The following NFRKB variants were observed in gnomAD, a reference collection of about 807,000 sequenced individuals.
NFRKB encodes the protein nuclear factor related to kappa-B-binding protein.
NFRKB carries 62 observed loss-of-function variants against 135.7 expected under a neutral mutation model. That is an observed-to-expected ratio of 0.46 (90% CI 0.37 to 0.56). The LOEUF is 0.56. NFRKB is among the 20% of genes least tolerant of loss of function. The probability of loss-of-function intolerance (pLI) is 0.00; values close to 1 mark genes in which losing one functional copy is unlikely to be tolerated. For synonymous variants in NFRKB, 678 were observed against 635.6 expected (o/e 1.07, Z -1.00); for missense variants, 1,545 against 1,662.0 (o/e 0.93, Z 1.22).
Position 129,870,091 on chromosome 11 carries a change from G to T in NFRKB, c.2934C>A (p.Ala978=), listed in dbSNP as rs755976417. Residue 978 remains alanine (A), a synonymous_variant, in exon 24 of 27, where the codon GCC becomes GCA. Transcript: ENST00000682444. ...TGGTAACCTGGGACTTGGCCAATGTGGCCATCATGTCCGGAGTGATTCGCA... is the reference window on the plus strand; with the variant it reads ...TGGTAACCTGGGACTTGGCCAATGTTGCCATCATGTCCGGAGTGATTCGCA... ...TVLRITPDMM[A]TLAKSQVTTV... The T allele has an allele frequency of 1.2e-6, 2 of 1,614,150 alleles. No homozygotes were observed. The highest frequency in any genetic ancestry group is 1.7e-6 in the Non-Finnish European group (2 of 1,180,056).
chr11:129,875,717 C>T (rs996283874), intron 17 of NFRKB, among the ~76,000 whole-genome samples: 5 of 135,988 alleles, frequency 3.7e-5, no homozygotes, highest in African/African-American at 1.1e-4. Flanking sequence ...GGTGCAAGGG[C>T]GTGATCTCAG....
chr11:129,867,016 T>G (rs771861333), intron 24 of NFRKB, among the ~76,000 whole-genome samples: 22 of 152,206 alleles, frequency 1.4e-4, no homozygotes, highest in Non-Finnish European at 3.2e-4. Flanking sequence ...ATACATTTAC[T>G]TATGGTTTTG....
chr11:129,873,711 T>A (rs79132420), intron 22 of NFRKB, 34 bp downstream of exon 22: 1 of 1,601,088 alleles, frequency 6.2e-7, no homozygotes, highest in Non-Finnish European at 8.5e-7. Context: ...GGTCTGCATC[T>A]CTGCTTCCCA....
At chr11:129,878,612 T>TTAC (rs1352192525) in intron 13 of NFRKB, 69 bp from the exon 14 acceptor site, 7 of 1,259,038 alleles carry the variant, frequency 5.6e-6, no homozygotes, top group Non-Finnish European at 8.0e-6. Context: ...TGCTTTCTCT[T>TTAC]TACTAGCTGT....
At chr11:129,886,043 T>C (rs1949262135) in intron 5 of NFRKB, among the ~76,000 whole-genome samples, 1 of 152,242 alleles carries the variant, frequency 6.6e-6, no homozygotes, top group Admixed American at 6.5e-5. Context: ...TAACCCATGA[T>C]AGATCCAAAA....
In NFRKB at chr11:129,865,921, C is replaced by T. The variant is rs376316090; in HGVS notation, c.3594G>A (p.Lys1198=). 4 of 1,613,890 alleles carry T rather than the reference C, an allele frequency of 2.5e-6. No individual in the cohort carries two copies. The highest frequency in any genetic ancestry group is 3.4e-6 in the Non-Finnish European group (4 of 1,180,010). Residue 1198 remains lysine, a synonymous_variant, in exon 25 of 27, where the codon AAG becomes AAA. Transcript: ENST00000682444. ...LSVISQPMKG[K]SVVTAPIIKG... ...TGATGATGGGGGCTGTGACCACGCT[C>T]TTGCCCTTCATTGGCTGGCTGATCA...
rs965510554 is a variant in NFRKB, at chr11:129,885,616, A to G, written c.466-7T>C. The G allele has an allele frequency of 1.9e-6, 3 of 1,603,752 alleles. No individual in the cohort carries two copies. The highest frequency in any genetic ancestry group is 2.6e-6 in the Non-Finnish European group (3 of 1,172,736). On this transcript the variant is annotated splice_polypyrimidine_tract_variant and splice_region_variant and intron_variant, in intron 5 of 26. Coordinates refer to ENST00000682444, the MANE Select transcript of NFRKB (RefSeq NM_001143835.2). ...GGGCCATCTCCAGCAGATCCTAGGT[A>G]GAGATCAGGTGGGGGTACAAGTCAT...
chr11:129,867,816 G>A (rs1401793516), intron 24 of NFRKB, among the ~76,000 whole-genome samples: 1 of 152,180 alleles, frequency 6.6e-6, no homozygotes, highest in Non-Finnish European at 1.5e-5. Flanking sequence ...CTTACCTAGA[G>A]GCTGAAGAGT....
rs1350064686 is a variant in NFRKB, at chr11:129,881,486, T to C, written c.1341A>G (p.Pro447=). The change falls in exon 13 of 27, where the codon CCA becomes CCG. Residue 447 remains proline, a synonymous_variant. Coordinates refer to ENST00000682444, the MANE Select transcript of NFRKB (RefSeq NM_001143835.2). ...GGGTTTTCTCTTTGAATTCAACAAA[T>C]GGAGAGAAACTGGAAGGAACAGCTG... ...ESRAVPSSFS[P]FVEFKEKTQQ... is the part of the protein sequence containing the mutation. The C allele has an allele frequency of 1.2e-6, 2 of 1,613,992 alleles. No individual in the cohort carries two copies. The highest frequency in any genetic ancestry group is 1.3e-5 in the African/African-American group (1 of 75,004).
chr11:129,871,520 G>C (rs1425909522), intron 23 of NFRKB, among the ~76,000 whole-genome samples: 1 of 152,060 alleles, frequency 6.6e-6, no homozygotes. Flanking sequence ...CTCAATAAAT[G>C]ATGCCACCAT....
chr11:129,885,774 G>A (rs1783914), intron 5 of NFRKB, among the ~76,000 whole-genome samples, 165 bp from the exon 6 acceptor site: 151,867 of 152,378 alleles, frequency 1, 75,679 homozygotes, highest in Middle Eastern at 1. Flanking sequence ...CGAAGAATCT[G>A]TATTGATTAC....
chr11:129,870,303 T>C lies in NFRKB; in HGVS notation c.2764-42A>G, dbSNP rs532142612. ...AGCACTGATGAGGGATTCACAATAG[T>C]AAACCGGTTACAAAATACAACTAGA... On this transcript the variant is annotated intron_variant, in intron 23 of 26. Transcript: ENST00000682444. 31 of 1,568,128 alleles carry C rather than the reference T, an allele frequency of 2.0e-5. No individual in the cohort carries two copies. The East Asian group carries it at 5.9e-4, about 30-fold the overall frequency.
chr11:129,891,579 A>C (rs1460966159), intron 3 of NFRKB, among the ~76,000 whole-genome samples: 2 of 152,148 alleles, frequency 1.3e-5, no homozygotes, highest in African/African-American at 2.4e-5. Flanking sequence ...AGTCACCAGG[A>C]CTTAAGGCCC....
Position 129,865,884 on chromosome 11 carries a change from C to T in NFRKB, c.3631G>A (p.Gly1211Arg). Residue 1211 changes from glycine to arginine, a missense_variant, in exon 25 of 27, where the codon GGA becomes AGA. Gly to Arg is a moderately radical substitution (Grantham distance 125). Coordinates refer to ENST00000682444, the MANE Select transcript of NFRKB (RefSeq NM_001143835.2). Reference protein sequence around the residue: ...VTAPIIKGNLGANLSGLGRNI... With the variant: ...VTAPIIKGNLRANLSGLGRNI... Reference sequence around the variant, plus strand: ...CCATGACATAGTACTTACTTGGCTCCAAGGTTGCCTTTGATGATGGGGGCT... The same window carrying T: ...CCATGACATAGTACTTACTTGGCTCTAAGGTTGCCTTTGATGATGGGGGCT... The T allele has an allele frequency of 6.2e-7, 1 of 1,614,082 alleles. No individual in the cohort carries two copies. The highest frequency in any genetic ancestry group is 8.5e-7 in the Non-Finnish European group (1 of 1,180,014).
In NFRKB at chr11:129,874,314, C is replaced by A. The variant is rs1294586701; in HGVS notation, c.2078G>T (p.Ser693Ile). The A allele has an allele frequency of 6.6e-7, 1 of 1,516,702 alleles. No individual in the cohort carries two copies. The highest frequency in any genetic ancestry group is 1.4e-5 in the African/African-American group (1 of 71,584). The allele number at this position is 1,516,702 out of a possible 1,614,324, so 94.0% of individuals were successfully genotyped here. ...PSKVKSSSKE[S>I]SIKVLSSGPS... is the part of the protein sequence containing the mutation. ...GCCACTGCTAAGGACCTTTATGGAG[C>A]TCTCCTTGCTACTGGACTTCTAGAA... The change falls in exon 21 of 27, where the codon AGC (serine) becomes ATC (isoleucine). Residue 693 changes from serine to isoleucine, a missense_variant. Physicochemically the swap from Ser to Ile is moderately radical, Grantham distance 142. This residue lies in a region of NFRKB where 753 missense variants were observed against 804.3 expected (regional missense o/e 0.94). Transcript: ENST00000682444. The surrounding 1 kb of genome is among the most constrained non-coding windows in gnomAD (Gnocchi z 4.5).
intron 24 of NFRKB, 84 bp downstream of exon 24, chr11:129,869,410 A>G: frequency 6.9e-7 from 1 of 1,450,544 alleles, no homozygotes; most frequent in African/African-American, 1.4e-5. Flanking sequence ...CCTAGTTTTT[A>G]GGGAGTTTCT....
rs1194586085 is a variant in NFRKB, at chr11:129,872,957, G to T, written c.2690C>A (p.Pro897His). The change falls in exon 23 of 27, where the codon CCT (proline) becomes CAT (histidine). Residue 897 changes from proline to histidine, a missense_variant. Physicochemically the swap from Pro to His is moderately conservative, Grantham distance 77. Transcript: ENST00000682444. ...SPVSKPATSS[P>H]GTSAPSASTA... ...GGAGGCACTGGGAGCAGAGGTCCCAGGAGAACTCGTGGCTGGCTTACTCAC... is the reference window on the plus strand; with the variant it reads ...GGAGGCACTGGGAGCAGAGGTCCCATGAGAACTCGTGGCTGGCTTACTCAC... 1.2e-6 allele frequency: 2 copies of T among 1,614,030 alleles called. No individual in the cohort carries two copies. Among genetic ancestry groups the T allele is most frequent in the African/African-American group, 2.7e-5 (2 of 74,934 alleles).
At position 129,874,190 on chromosome 11, in the gene NFRKB, G is replaced by A. The variant is rs1439335113; in HGVS notation, c.2202C>T (p.Pro734=). 3.9e-6 allele frequency: 6 copies of A among 1,520,458 alleles called. No homozygotes were observed. The highest frequency in any genetic ancestry group is 5.3e-6 in the Non-Finnish European group (6 of 1,136,144). The allele number at this position is 1,520,458 out of a possible 1,614,324, so 94.2% of individuals were successfully genotyped here. A position where few individuals can be genotyped will look rare whatever the true frequency, so the allele number is the denominator to read the frequency against. ...CTGCCGATACAGGTGGAGGGGAGAT[G>A]GGAATGGCGGGCAATGCTGGTGTGG... ...TPTTPALPAI[P]ISPPPVSAVN... The change falls in exon 21 of 27, where the codon CCC becomes CCT. Residue 734 remains proline, a synonymous_variant. Transcript: ENST00000682444. The surrounding 1 kb of genome is among the most constrained non-coding windows in gnomAD (Gnocchi z 4.5).
In NFRKB at chr11:129,869,483, T is replaced by C. The variant is rs1453967368; in HGVS notation, c.3531+11A>G. 6.3e-7 allele frequency: 1 copy of C among 1,595,804 alleles called. No individual in the cohort carries two copies. ...AAAAAGAAGGCCTAAGCTTTACCAC[T>C]AGTTACTCACAGCCTGGGACGTGGA... is the stretch of plus-strand genomic sequence containing the variant. On this transcript the variant is annotated intron_variant, in intron 24 of 26. Transcript: ENST00000682444.
Sources: gnomAD v4.1 joint callset for allele counts (sites outside exome capture counted in the v4.1 genomes callset) on GRCh38, gnomAD v4.1.1 for gene constraint, gnomAD v4.1.1 regional missense constraint, Gnocchi (gnomAD v3.1) non-coding constraint, MANE v1.5 for transcripts, NCBI Gene and HGNC (gene_info 2026-07-23, HGNC 2026-07-21) for gene names.